DNAH7: variants seen among roughly 807,000 people sequenced by gnomAD.
DNAH7 encodes the protein axonemal beta dynein heavy chain 7.
Under a neutral mutation model 444.6 loss-of-function variants are expected in DNAH7, and 397 were observed. That is an observed-to-expected ratio of 0.89 (90% CI 0.82 to 0.97). The LOEUF (loss-of-function observed/expected upper bound fraction) is 0.97. DNAH7 is among the 50% of genes least tolerant of loss of function. DNAH7 has a pLI of 0.00. For synonymous variants in DNAH7, 1,636 were observed against 1,624.4 expected, an observed-to-expected ratio of 1.01 and a Z score of -0.17; for missense variants, 4,902 against 4,800.8, an observed-to-expected ratio of 1.02 and a Z score of -0.62.
rs750263696 is a variant in DNAH7 at position 195,970,108 on chromosome 2, TTTG to T, written c.2059-17_2059-15del. On this transcript the variant is annotated splice_polypyrimidine_tract_variant and intron_variant, in intron 16 of 64. Transcript: ENST00000312428. ...TTCACACCGTAACTAATAAAAACAA[TTTG>T]TTGTTAATATTCTTAAAAGTTAAAA... 1.9e-6 allele frequency: 3 copies of T among 1,584,288 alleles called. No individual in the cohort carries two copies. The East Asian group carries it at 6.8e-5, about 36-fold the overall frequency.
intron 12 of DNAH7, among the ~76,000 whole-genome samples, chr2:195,990,891 T>TTATATACACATATATACTTAAATA (rs1693276043): frequency 7.7e-6 from 1 of 129,232 alleles, no homozygotes; most frequent in African/African-American, 3.1e-5. Flanking sequence ...ACATATATAC[T>TTATATACACATATATACTTAAATA]TATATACATA....
chr2:195,813,791 G>A (rs1315127438), intron 51 of DNAH7, among the ~76,000 whole-genome samples: 3 of 152,176 alleles, frequency 2.0e-5, no homozygotes, highest in Admixed American at 2.0e-4. Flanking sequence ...TACTGTCTTT[G>A]AGGAGAGAGT....
intron 5 of DNAH7, among the ~76,000 whole-genome samples, chr2:196,031,024 C>T (rs1384301285): frequency 6.6e-6 from 1 of 152,254 alleles, no homozygotes; most frequent in Non-Finnish European, 1.5e-5. Flanking sequence ...CATTTCCCTT[C>T]TGCACTGTTA....
At chr2:195,987,275 T>G (rs1027443428) in intron 13 of DNAH7, 82 bp from the exon 14 acceptor site, 19 of 1,076,654 alleles carry the variant, frequency 1.8e-5, no homozygotes, top group Non-Finnish European at 2.3e-5. Context: ...TCATAATTTT[T>G]ATTTTTGTGT....
At chr2:195,813,927 T>C (rs897796094) in intron 51 of DNAH7, among the ~76,000 whole-genome samples, 1 of 152,188 alleles carries the variant, frequency 6.6e-6, no homozygotes, top group Non-Finnish European at 1.5e-5. Context: ...AAGCATGACG[T>C]TGAGTGCAAG....
rs1195463464 is a variant in DNAH7, at chr2:195,895,090, T to G, written c.4782A>C (p.Gln1594His). ...MTAFFSEKILQVYEMMIVRHG... is the reference protein window; with the variant it reads ...MTAFFSEKILHVYEMMIVRHG... ...GACGCACAATCATCATTTCATATAC[T>G]TGAAGAATCTTCTCGGAAAAGAATG... Residue 1594 changes from glutamine (Q) to histidine (H), a missense_variant, in exon 30 of 65, where the codon CAA becomes CAC. Transcript: ENST00000312428. The G allele has an allele frequency of 8.7e-6, 14 of 1,613,734 alleles. No homozygotes were observed. The highest frequency in any genetic ancestry group is 1.2e-5 in the Non-Finnish European group (14 of 1,179,756).
At chr2:195,819,642 G>C (rs1458264965) in intron 49 of DNAH7, among the ~76,000 whole-genome samples, 1 of 152,112 alleles carries the variant, frequency 6.6e-6, no homozygotes, top group African/African-American at 2.4e-5. Context: ...ATTGGGATAA[G>C]GACTCTGAGA....
At chr2:195,915,089 G>GA (rs1157158394) in intron 24 of DNAH7, among the ~76,000 whole-genome samples, 9 of 152,064 alleles carry the variant, frequency 5.9e-5, no homozygotes, top group Admixed American at 6.5e-5. Context: ...GTGCTGGGGA[G>GA]AGAGAGAAAA....
chr2:195,996,579 C>T (rs1224981151), intron 12 of DNAH7, among the ~76,000 whole-genome samples: 3 of 152,116 alleles, frequency 2.0e-5, no homozygotes, highest in East Asian at 1.9e-4. Flanking sequence ...GTGCCCACCA[C>T]CATGCCCGGC....
rs370829351 is a variant in DNAH7 at position 196,048,404 on chromosome 2, C to A, written c.142G>T (p.Val48Leu). 38 of 1,610,644 alleles carry A rather than the reference C, an allele frequency of 2.4e-5. No individual in the cohort carries two copies. The African/African-American group carries it at 3.8e-4, about 16-fold the overall frequency. ...TGCTGCCAGTGGGGCTTTGTACTCA[C>A]CTAAAATACAAAATTTAAATAGCAT... ...PARALPQLSM[V>L]STKPHWQQAA... is the part of the protein sequence containing the mutation. The change falls in exon 4 of 65, where the codon GTG becomes TTG. Residue 48 changes from valine (V) to leucine (L), a missense_variant and splice_region_variant. Physicochemically the swap from Val to Leu is conservative, Grantham distance 32. Coordinates refer to ENST00000312428, the MANE Select transcript of DNAH7 (RefSeq NM_018897.3).
At chr2:195,823,183 T>C (rs1271246066) in intron 49 of DNAH7, among the ~76,000 whole-genome samples, 4 of 152,230 alleles carry the variant, frequency 2.6e-5, no homozygotes, top group African/African-American at 9.6e-5. Flanking sequence ...TATTGGATTT[T>C]AATTAATTAA....
chr2:195,818,222 C>T (rs945248467), intron 49 of DNAH7, among the ~76,000 whole-genome samples: 2 of 152,080 alleles, frequency 1.3e-5, no homozygotes, highest in African/African-American at 2.4e-5. Flanking sequence ...AATAGTTGGA[C>T]CAGCTGATTT....
intron 48 of DNAH7, among the ~76,000 whole-genome samples, chr2:195,832,146 A>G (rs1698105959): frequency 6.6e-6 from 1 of 152,222 alleles, no homozygotes; most frequent in African/African-American, 2.4e-5. Context: ...TCTTATTAAC[A>G]AAATATTGGT....
At chr2:195,766,358 G>A (rs539188422) in intron 61 of DNAH7, among the ~76,000 whole-genome samples, 101 of 151,338 alleles carry the variant, frequency 6.7e-4, no homozygotes, top group African/African-American at 2.2e-3. Context: ...TAGTAGAGAC[G>A]GGTTTCGCCC....
intron 60 of DNAH7, among the ~76,000 whole-genome samples, chr2:195,774,434 C>T (rs1364200516): frequency 6.6e-6 from 1 of 152,092 alleles, no homozygotes; most frequent in Non-Finnish European, 1.5e-5. Flanking sequence ...TCCATGGACT[C>T]TTCCATTATT....
rs1696145354 is a variant in DNAH7 at position 195,796,455 on chromosome 2, C to A, written c.10515+121G>T. The A allele has an allele frequency of 5.9e-6, 7 of 1,183,020 alleles. No individual in the cohort carries two copies. The Admixed American group carries it at 1.8e-4, about 30-fold the overall frequency. The allele number at this position is 1,183,020 out of a possible 1,614,324, so 73.3% of individuals were successfully genotyped here. A position where few individuals can be genotyped will look rare whatever the true frequency, so the allele number is the denominator to read the frequency against. Reference sequence around the variant, plus strand: ...ATGTGAGCCTCTCTCTCCTGCAATCCAGCCAAAGCACTAACCTGCAACGCT... The same window carrying A: ...ATGTGAGCCTCTCTCTCCTGCAATCAAGCCAAAGCACTAACCTGCAACGCT... On this transcript the variant is annotated intron_variant, in intron 56 of 64. Transcript: ENST00000312428.
At chr2:196,019,357 A>G (rs1487443648) in intron 8 of DNAH7, 62 bp from the exon 9 acceptor site, 11 of 1,279,752 alleles carry the variant, frequency 8.6e-6, no homozygotes, top group Non-Finnish European at 1.0e-5. Flanking sequence ...GTAACTGTAC[A>G]TTTTGGGTAA....
At chr2:195,828,737 T>C (rs1697916385) in intron 48 of DNAH7, among the ~76,000 whole-genome samples, 1 of 151,866 alleles carries the variant, frequency 6.6e-6, no homozygotes, top group African/African-American at 2.4e-5. Flanking sequence ...GGAACATATT[T>C]TGGTGTGAAG....
At position 195,738,124 on chromosome 2, in the gene DNAH7, AC is replaced by A. The variant is rs1375855313; in HGVS notation, c.11871del (p.Met3957IlefsTer3). 3 of 1,613,476 alleles carry A rather than the reference AC, an allele frequency of 1.9e-6. No homozygotes were observed. Among genetic ancestry groups the A allele is most frequent in the African/African-American group, 1.3e-5 (1 of 74,938 alleles). On this transcript the variant is annotated frameshift_variant and splice_region_variant, in exon 65 of 65. Coordinates refer to ENST00000312428, the MANE Select transcript of DNAH7 (RefSeq NM_018897.3). LOFTEE classifies it low-confidence loss of function (END_TRUNC). ...PKILYDTVPV[M>X]WLKPCKRADI... ...TCTGCCCTCTTACAGGGCTTTAGCC[AC>A]ATCTGGAAGAAAGTACATAACACCT...
Sources: allele counts gnomAD v4.1 joint callset (sites outside exome capture counted in the v4.1 genomes callset), GRCh38; gene constraint gnomAD v4.1.1; transcripts MANE v1.5; gene names NCBI Gene and HGNC (gene_info 2026-07-23, HGNC 2026-07-21).